Variants in TULP4 observed in about 807,000 individuals in gnomAD.
TULP4 encodes tubby-related protein 4.
Under a neutral mutation model 129.0 loss-of-function variants are expected in TULP4, and 16 were observed. The observed-to-expected ratio is 0.12, with a 90% CI of 0.08 to 0.19. The LOEUF (loss-of-function observed/expected upper bound fraction) is 0.19, where lower values mean the gene tolerates loss of function less well. Ranked by LOEUF, TULP4 falls within the 10% of genes least tolerant of loss-of-function variation. The pLI, the probability that TULP4 is intolerant of heterozygous loss-of-function variation, is 1.00. For synonymous variants in TULP4, 998 were observed against 854.0 expected (o/e 1.17, Z -2.94); for missense variants, 1,842 against 2,059.1 (o/e 0.89, Z 2.04).
At chr6:158,452,983 TC>T (rs1779197784) in intron 5 of TULP4, among the ~76,000 whole-genome samples, 1 of 152,172 alleles carries the variant, frequency 6.6e-6, no homozygotes, top group Admixed American at 6.5e-5. Flanking sequence ...GTTTTAAAAT[TC>T]AATACCTGGG....
At chr6:158,332,574 C>A (rs1779937273) in intron 1 of TULP4, among the ~76,000 whole-genome samples, 2 of 152,044 alleles carry the variant, frequency 1.3e-5, no homozygotes, top group Non-Finnish European at 2.9e-5. Flanking sequence ...CACTTTTTGA[C>A]CCTCAGGCCA....
intron 1 of TULP4, among the ~76,000 whole-genome samples, chr6:158,275,565 C>T (rs892286219): frequency 6.6e-6 from 1 of 152,176 alleles, no homozygotes; most frequent in African/African-American, 2.4e-5. Flanking sequence ...CCATTCTAAC[C>T]CACGGCAGCG....
intron 1 of TULP4, among the ~76,000 whole-genome samples, chr6:158,365,763 G>T (rs545182696): frequency 1.3e-5 from 2 of 151,534 alleles, no homozygotes; most frequent in African/African-American, 2.4e-5. Context: ...GAGCTACCGC[G>T]CCCGGCCTGG....
At chr6:158,412,451 TC>T (rs1393053660) in intron 1 of TULP4, among the ~76,000 whole-genome samples, 1 of 152,240 alleles carries the variant, frequency 6.6e-6, no homozygotes, top group Non-Finnish European at 1.5e-5. Context: ...TCAGAATTTT[TC>T]AAATTAAAAA....
chr6:158,336,569 C>T (rs1231103505), intron 1 of TULP4, among the ~76,000 whole-genome samples: 1 of 152,116 alleles, frequency 6.6e-6, no homozygotes, highest in African/African-American at 2.4e-5. Context: ...AAAAAGAATA[C>T]TATTGGTAAG....
At chr6:158,428,760 G>A (rs1391705602) in intron 2 of TULP4, among the ~76,000 whole-genome samples, 2 of 152,272 alleles carry the variant, frequency 1.3e-5, no homozygotes, top group East Asian at 3.9e-4. Flanking sequence ...TAAGTGAGAG[G>A]CAGTGTAACA....
chr6:158,237,488 G>T, intron 1 of TULP4: 1 of 1,536,830 alleles, frequency 6.5e-7, no homozygotes, highest in Admixed American at 1.7e-5. Context: ...GAGGTGGGTG[G>T]GCTACTCACA....
chr6:158,499,056 G>T (rs895988067), intron 12 of TULP4, among the ~76,000 whole-genome samples: 21 of 152,206 alleles, frequency 1.4e-4, no homozygotes, highest in African/African-American at 4.8e-4. Context: ...GGCGCCTTGT[G>T]TTTTCGGAGC....
In TULP4 at chr6:158,287,637, G is replaced by A. The variant is rs573432437; in HGVS notation, n.116+5259G>A. On this transcript the variant is annotated intron_variant and non_coding_transcript_variant, in intron 1 of 1. Coordinates refer to the TULP4 transcript ENST00000432358. The stretch of plus-strand genomic sequence containing the variant: ...TGCTGTAGAAGACCATACTTACTAG[G>A]GAGGAACTGGCAAGGATTTATGGAA... Among the ~76,000 whole-genome samples the A allele has an allele frequency of 3.9e-5, 6 of 152,286 alleles. No homozygotes were observed. In the East Asian group the frequency reaches 1.2e-3, roughly 29 times the overall value.
chr6:158,266,338 C>T (rs1778445205), intron 1 of TULP4, among the ~76,000 whole-genome samples: 1 of 152,206 alleles, frequency 6.6e-6, no homozygotes. Context: ...CTCACTGCAG[C>T]CTTGACGTCC....
intron 3 of TULP4, among the ~76,000 whole-genome samples, chr6:158,441,588 A>G (rs1300218132): frequency 1.3e-5 from 2 of 152,144 alleles, no homozygotes; most frequent in South Asian, 2.1e-4. Flanking sequence ...TTGGCATTGA[A>G]TATGTCCTTA....
In TULP4 at chr6:158,447,747, A is replaced by G. The variant is rs182675730; in HGVS notation, c.544-1249A>G. Among the ~76,000 whole-genome samples the G allele has an allele frequency of 4.4e-4, 67 of 152,308 alleles. 1 individual carries two copies. In the East Asian group the frequency reaches 7.3e-3, roughly 17 times the overall value. Reference sequence around the variant, plus strand: ...CCTTAACCAGCTCTCCCTTTGGGTAAATTCTAGCCTTTCTAGTCAGACAGC... The same window carrying G: ...CCTTAACCAGCTCTCCCTTTGGGTAGATTCTAGCCTTTCTAGTCAGACAGC... On this transcript the variant is annotated intron_variant, in intron 3 of 13. Transcript: ENST00000367097.
At chr6:158,480,217 C>T (rs1779908353) in intron 7 of TULP4, among the ~76,000 whole-genome samples, 1 of 152,250 alleles carries the variant, frequency 6.6e-6, no homozygotes. Context: ...TCCTGGACTT[C>T]TGTGTCCCTC....
intron 1 of TULP4, chr6:158,242,356 C>T: frequency 1.3e-6 from 2 of 1,514,822 alleles, no homozygotes; most frequent in Non-Finnish European, 1.8e-6. Context: ...TTGCTTTGAG[C>T]TGCAACAACT....
At chr6:158,476,876 G>T (rs1779832427) in intron 6 of TULP4, among the ~76,000 whole-genome samples, 1 of 152,210 alleles carries the variant, frequency 6.6e-6, no homozygotes. Context: ...TCAGCACCAT[G>T]TAGTAAGATA....
chr6:158,297,380 C>A (rs1043979611), intron 1 of TULP4, among the ~76,000 whole-genome samples: 5 of 152,066 alleles, frequency 3.3e-5, no homozygotes, highest in Admixed American at 6.5e-5. Flanking sequence ...TCATATTGTT[C>A]AAACACACAT....
chr6:158,491,427 T>TTTGAGGAGTCTCGC (rs1562589116), intron 9 of TULP4, among the ~76,000 whole-genome samples: 1 of 25,990 alleles, frequency 3.8e-5, no homozygotes, highest in Non-Finnish European at 8.6e-5. Context: ...CTTTCTTTCT[T>TTTGAGGAGTCTCGC]TCTTTCTTTC....
intron 5 of TULP4, among the ~76,000 whole-genome samples, chr6:158,456,210 A>G (rs1211679618): frequency 2.0e-5 from 3 of 152,182 alleles, no homozygotes; most frequent in Non-Finnish European, 4.4e-5. Flanking sequence ...GACAACTTTT[A>G]TTCTCTTCTC....
At chr6:158,477,649 C>T (rs1480762902) in intron 6 of TULP4, among the ~76,000 whole-genome samples, 1 of 152,182 alleles carries the variant, frequency 6.6e-6, no homozygotes, top group Non-Finnish European at 1.5e-5. Flanking sequence ...AAAGGAAACG[C>T]TTCTACACTG....
Sources: allele counts gnomAD v4.1 joint callset (sites outside exome capture counted in the v4.1 genomes callset), GRCh38; gene constraint gnomAD v4.1.1; transcripts MANE v1.5; gene names NCBI Gene and HGNC (gene_info 2026-07-23, HGNC 2026-07-21).